TMEM229B: variants seen among roughly 807,000 people sequenced by gnomAD.
The protein encoded by TMEM229B is transmembrane protein 229B, also known as chromosome 14 open reading frame 83.
TMEM229B carries 6 observed loss-of-function variants against 13.7 expected under a neutral mutation model. The ratio of observed to expected loss-of-function variants is 0.44; its 90% CI spans 0.24 to 0.86. The LOEUF (loss-of-function observed/expected upper bound fraction) is 0.86. Ranked by LOEUF, TMEM229B falls within the 40% of genes least tolerant of loss-of-function variation. The pLI is 0.23. For missense variants in TMEM229B, 170 were observed against 236.0 expected (o/e 0.72, Z 1.83); for synonymous variants, 107 against 102.1 (o/e 1.05, Z -0.29).
upstream of TMEM229B, among the ~76,000 whole-genome samples, chr14:67,491,244 G>A (rs1594695788): frequency 6.6e-6 from 1 of 152,200 alleles, no homozygotes; most frequent in Admixed American, 6.5e-5. Flanking sequence ...ATAGGGTGAC[G>A]TATTGGGGGG....
At chr14:67,512,611 C>T (rs1285408794) in intron 1 of TMEM229B, among the ~76,000 whole-genome samples, 2 of 152,144 alleles carry the variant, frequency 1.3e-5, no homozygotes, top group Non-Finnish European at 2.9e-5. Flanking sequence ...CCTTCCCTCC[C>T]CTCAAGGACA....
At chr14:67,490,825 A>G (rs563313638), upstream of TMEM229B, among the ~76,000 whole-genome samples, 78 of 152,164 alleles carry the variant, frequency 5.1e-4, no homozygotes, top group Non-Finnish European at 9.3e-4. Context: ...CTGTAAAGGA[A>G]AAAAAGTTTT....
At chr14:67,487,796 T>TAA (rs200949472) in intron 1 of TMEM229B, among the ~76,000 whole-genome samples, 1 of 148,700 alleles carries the variant, frequency 6.7e-6, no homozygotes, top group Non-Finnish European at 1.5e-5. Context: ...CCATGTACTT[T>TAA]AAAAAAAAAA....
At chr14:67,491,899 G>A (rs940332985), upstream of TMEM229B, among the ~76,000 whole-genome samples, 3 of 152,222 alleles carry the variant, frequency 2.0e-5, no homozygotes, top group Non-Finnish European at 4.4e-5. Flanking sequence ...GGCCGCGGGG[G>A]CCTGCCTGGC....
intron 1 of TMEM229B, among the ~76,000 whole-genome samples, chr14:67,494,827 A>G (rs984107205): frequency 1.3e-5 from 2 of 152,302 alleles, no homozygotes; most frequent in South Asian, 2.1e-4. Flanking sequence ...TAAAAACAGA[A>G]GTGGCCAGAT....
intron 1 of TMEM229B, among the ~76,000 whole-genome samples, chr14:67,498,257 GT>G (rs924381205): frequency 1.3e-5 from 2 of 152,086 alleles, no homozygotes; most frequent in Non-Finnish European, 2.9e-5. Flanking sequence ...TTGCCAAGAC[GT>G]TCTATAAGCT....
At chr14:67,527,036 T>C (rs369723572) in intron 1 of TMEM229B, among the ~76,000 whole-genome samples, 130 of 152,352 alleles carry the variant, frequency 8.5e-4, no homozygotes, top group African/African-American at 3.0e-3. Flanking sequence ...GGTCAGCTCA[T>C]TCTATCCATG....
chr14:67,503,094 G>A (rs183708679), intron 1 of TMEM229B, among the ~76,000 whole-genome samples: 6 of 152,238 alleles, frequency 3.9e-5, no homozygotes, highest in Non-Finnish European at 4.4e-5. Context: ...AGATAGTGGC[G>A]CTGCACGGAG....
chr14:67,506,964 C>A (rs2032850987), intron 1 of TMEM229B, among the ~76,000 whole-genome samples: 1 of 151,516 alleles, frequency 6.6e-6, no homozygotes, highest in Non-Finnish European at 1.5e-5. Flanking sequence ...AGCCTGGCGA[C>A]AGGGCCAGAT....
chr14:67,533,281 G>C (rs999982983), intron 1 of TMEM229B: 2 of 152,082 alleles, frequency 1.3e-5, no homozygotes, highest in South Asian at 4.1e-4. Context: ...TGCCGGGGAG[G>C]GGAGAACCGG....
At chr14:67,492,169 C>T (rs745775647), upstream of TMEM229B, among the ~76,000 whole-genome samples, 5 of 152,172 alleles carry the variant, frequency 3.3e-5, no homozygotes, top group East Asian at 1.9e-4. Context: ...CCAACTCCAT[C>T]GCCTTGGAGG....
chr14:67,497,432 T>A (rs1029693524), intron 1 of TMEM229B, among the ~76,000 whole-genome samples: 1 of 152,068 alleles, frequency 6.6e-6, no homozygotes, highest in Non-Finnish European at 1.5e-5. Flanking sequence ...GAGGAAGAAC[T>A]GACGGGCAGC....
upstream of TMEM229B, among the ~76,000 whole-genome samples, chr14:67,515,638 A>G (rs1167477829): frequency 6.6e-6 from 1 of 151,952 alleles, no homozygotes; most frequent in Non-Finnish European, 1.5e-5. Context: ...GCCGCGGCGC[A>G]GGTGGCTGCG....
intron 1 of TMEM229B, among the ~76,000 whole-genome samples, chr14:67,526,241 G>A (rs2033365770): frequency 6.6e-6 from 1 of 152,200 alleles, no homozygotes; most frequent in Non-Finnish European, 1.5e-5. Context: ...ATTGGGAGTC[G>A]GTCTAGTGCC....
upstream of TMEM229B, chr14:67,515,508 C>T (rs992313751): frequency 3.2e-5 from 5 of 155,750 alleles, no homozygotes; most frequent in South Asian, 1.7e-4. Context: ...CCCTGCCGCC[C>T]GGCTTAACTC....
chr14:67,530,006 G>A (rs8006273), intron 1 of TMEM229B, among the ~76,000 whole-genome samples: 34,256 of 152,036 alleles, frequency 0.23, 3,935 homozygotes, highest in African/African-American at 0.25. Context: ...AGAGAAAGCA[G>A]GTAGGGATGG....
chr14:67,531,009 C>T (rs2140286791), intron 1 of TMEM229B, among the ~76,000 whole-genome samples: 1 of 152,364 alleles, frequency 6.6e-6, no homozygotes, highest in Middle Eastern at 3.4e-3. Context: ...TCTTCTTTCA[C>T]AAGAATGCCC....
At chr14:67,491,088 T>C (rs1015744898), upstream of TMEM229B, among the ~76,000 whole-genome samples, 1 of 152,208 alleles carries the variant, frequency 6.6e-6, no homozygotes, top group Admixed American at 6.5e-5. Context: ...CCTATACTTC[T>C]GAACAATTGG....
chr14:67,531,639 G>C (rs1278827988), intron 1 of TMEM229B, among the ~76,000 whole-genome samples: 1 of 151,688 alleles, frequency 6.6e-6, no homozygotes, highest in African/African-American at 2.4e-5. Flanking sequence ...CTGGGCCGAG[G>C]TGCGGTGGCT....
Sources: allele counts gnomAD v4.1 joint callset (sites outside exome capture counted in the v4.1 genomes callset), GRCh38; gene constraint gnomAD v4.1.1; transcripts MANE v1.5; gene names NCBI Gene and HGNC (gene_info 2026-07-23, HGNC 2026-07-21).